Variants in UBTF observed in about 807,000 individuals in gnomAD.
The protein encoded by UBTF is upstream binding transcription factor.
A neutral mutation model predicts 112.3 loss-of-function variants in UBTF; 8 were observed. That is an observed-to-expected ratio of 0.07 (90% CI 0.04 to 0.13). UBTF has a LOEUF of 0.13. Ranked by LOEUF, UBTF falls within the 10% of genes least tolerant of loss-of-function variation. The probability of loss-of-function intolerance (pLI) is 1.00; values close to 1 mark genes in which losing one functional copy is unlikely to be tolerated. For missense variants in UBTF, 457 were observed against 982.1 expected (o/e 0.47, Z 7.15); for synonymous variants, 417 against 373.1 (o/e 1.12, Z -1.36).
intron 2 of UBTF, 92 bp downstream of exon 2, chr17:44,218,080 G>A: frequency 7.8e-7 from 1 of 1,280,462 alleles, no homozygotes; most frequent in Non-Finnish European, 1.1e-6. Context: ...AGTGTATGCA[G>A]ACTGAAAAAG....
In UBTF at chr17:44,205,972, A is replaced by C. The variant is rs972362476; in HGVS notation, c.*1270T>G. 1 of 152,110 alleles carries C rather than the reference A, an allele frequency of 6.6e-6. No homozygotes were observed. The highest frequency in any genetic ancestry group is 1.5e-5 in the Non-Finnish European group (1 of 68,018). 9.4% of individuals were successfully genotyped at this position (152,110 alleles called of 1,614,324 possible). ...GAGGAGGGAGCAGACCTGAGAAATT[A>C]AAGGAAATAGGGGGTGGTGGGAGGA... On this transcript the variant is annotated 3_prime_UTR_variant, in exon 21 of 21. Coordinates refer to ENST00000436088, the MANE Select transcript of UBTF (RefSeq NM_014233.4).
chr17:44,215,394 A>T, intron 5 of UBTF: 2 of 499,258 alleles, frequency 4.0e-6, no homozygotes, highest in Non-Finnish European at 7.2e-6. Context: ...CTTGAAACAG[A>T]ATGCTGTGGG....
At chr17:44,220,405 A>G (rs1299590450), upstream of UBTF, among the ~76,000 whole-genome samples, 1 of 151,650 alleles carries the variant, frequency 6.6e-6, no homozygotes, top group Non-Finnish European at 1.5e-5. Context: ...CATCCCCCGG[A>G]GCGTGGCCGC....
At chr17:44,214,834 C>T (rs1014192056) in intron 5 of UBTF, among the ~76,000 whole-genome samples, 1 of 152,184 alleles carries the variant, frequency 6.6e-6, no homozygotes, top group Non-Finnish European at 1.5e-5. Flanking sequence ...CCCCATCTAT[C>T]CCTGGCTCTG....
At position 44,210,842 on chromosome 17, in the gene UBTF, G is replaced by A; in HGVS notation, c.1309C>T (p.Leu437=). 3 of 1,569,484 alleles carry A rather than the reference G, an allele frequency of 1.9e-6. No homozygotes were observed. The highest frequency in any genetic ancestry group is 2.6e-6 in the Non-Finnish European group (3 of 1,156,938). ...EERPELSESE[L]TRLLARMWND... is the part of the protein sequence containing the mutation. ...CACATTCGGGCCAGCAGGCGGGTCA[G>A]CTCGCTCTCGGAGAGCTCAGGCCGC... Residue 437 remains leucine (L), a synonymous_variant, in exon 13 of 21, where the codon CTG becomes TTG. Transcript: ENST00000436088.
At position 44,211,232 on chromosome 17, in the gene UBTF, G is replaced by A. The variant is rs2056655934; in HGVS notation, c.1089+58C>T. The A allele has an allele frequency of 6.2e-7, 1 of 1,613,694 alleles. No individual in the cohort carries two copies. The highest frequency in any genetic ancestry group is 1.7e-5 in the Admixed American group (1 of 60,010). On this transcript the variant is annotated intron_variant, in intron 11 of 20. Coordinates refer to ENST00000436088, the MANE Select transcript of UBTF (RefSeq NM_014233.4). The surrounding 1 kb of genome is among the most constrained non-coding windows in gnomAD (Gnocchi z 4.9). ...GCCCTATCTCCAGGGGCTCACCAGG[G>A]CTCTGCCTGCCAAGTCCCAGTCTTC... is the stretch of plus-strand genomic sequence containing the variant.
chr17:44,211,492 CTG>C lies in UBTF; in HGVS notation c.1047+112_1047+113del, dbSNP rs2056673525. ...TTGCTAAGCCCAGCCCAGCCCCACA[CTG>C]TATTGGAGGCAGGTACCCAAGGCAC... is the stretch of plus-strand genomic sequence containing the variant. On this transcript the variant is annotated intron_variant, in intron 10 of 20. Transcript: ENST00000436088. The surrounding 1 kb of genome is among the most constrained non-coding windows in gnomAD (Gnocchi z 4.9). 3 of 1,555,590 alleles carry C rather than the reference CTG, an allele frequency of 1.9e-6. No individual in the cohort carries two copies. Among genetic ancestry groups the C allele is most frequent in the Non-Finnish European group, 1.7e-6 (2 of 1,144,714 alleles).
Position 44,210,457 on chromosome 17 carries a change from C to G in UBTF, c.1376G>C (p.Arg459Pro). 1 of 1,611,200 alleles carries G rather than the reference C, an allele frequency of 6.2e-7. No individual in the cohort carries two copies. Among genetic ancestry groups the G allele is most frequent in the Non-Finnish European group, 8.5e-7 (1 of 1,179,592 alleles). The part of the protein sequence containing the change: ...SEKKKAKYKA[R>P]EAALKAQSER... ...CGACTGAGCCTTGAGCGCCGCCTCT[C>G]GGGCCTTGTACTTGGCCTGCGGGGA... The change falls in exon 14 of 21, where the codon CGA becomes CCA. Residue 459 changes from arginine (R) to proline (P), a missense_variant. Physicochemically the swap from Arg to Pro is moderately radical, Grantham distance 103. Around this residue, in one of 7 missense-constraint regions of UBTF, gnomAD observed 108 missense variants for 137.4 expected, o/e 0.79. Coordinates refer to ENST00000436088, the MANE Select transcript of UBTF (RefSeq NM_014233.4).
intron 7 of UBTF, 103 bp downstream of exon 7, chr17:44,212,716 C>T: frequency 6.5e-7 from 1 of 1,548,912 alleles, no homozygotes; most frequent in Non-Finnish European, 8.7e-7. Context: ...TGGGGAGGGG[C>T]CTCCTCTCCT....
intron 15 of UBTF, 71 bp downstream of exon 15, chr17:44,210,053 C>T: frequency 1.3e-6 from 2 of 1,517,456 alleles, no homozygotes; most frequent in African/African-American, 1.4e-5. Flanking sequence ...GGACTTCTTG[C>T]TCAGAGCTGC....
At chr17:44,209,100 T>A in intron 17 of UBTF, 1 of 269,120 alleles carries the variant, frequency 3.7e-6, no homozygotes, top group South Asian at 7.1e-5. Flanking sequence ...ACCTGGGAGG[T>A]GGAGGTTGCA....
At chr17:44,216,750 C>T (rs753696001) in intron 2 of UBTF, 46 bp from the exon 3 acceptor site, 58 of 1,595,902 alleles carry the variant, frequency 3.6e-5, no homozygotes, top group Non-Finnish European at 4.7e-5. Flanking sequence ...CATGCTATCC[C>T]CCCGATCTGT....
intron 3 of UBTF, 46 bp downstream of exon 3, chr17:44,216,483 C>T: frequency 6.2e-7 from 1 of 1,604,216 alleles, no homozygotes; most frequent in Non-Finnish European, 8.5e-7. Flanking sequence ...CCCCACCACG[C>T]TGAGTGGGGG....
At chr17:44,209,163 T>G in intron 17 of UBTF, 189 bp downstream of exon 17, 1 of 555,956 alleles carries the variant, frequency 1.8e-6, no homozygotes, top group Non-Finnish European at 2.9e-6. Context: ...AGCAAGACTG[T>G]CTCAAAAAAT....
rs774672822 is a variant in UBTF, at chr17:44,209,679, T to C, written c.1681A>G (p.Met561Val). 2.5e-6 allele frequency: 4 copies of C among 1,614,158 alleles called. No individual in the cohort carries two copies. Among genetic ancestry groups the C allele is most frequent in the African/African-American group, 1.3e-5 (1 of 75,046 alleles). The change falls in exon 16 of 21, where the codon ATG becomes GTG. Residue 561 changes from methionine (M) to valine (V), a missense_variant. Coordinates refer to ENST00000436088, the MANE Select transcript of UBTF (RefSeq NM_014233.4). ...TTCTTGGGTTCTCCCTGGAATTTCA[T>C]CTTCTTGGAAGAATTTGTAGCAGCT... ...PPAATNSSKK[M>V]KFQGEPKKPP... is the part of the protein sequence containing the mutation.
Position 44,210,334 on chromosome 17 carries a change from T to C in UBTF, c.1499A>G (p.Tyr500Cys). The C allele has an allele frequency of 6.2e-7, 1 of 1,614,156 alleles. No individual in the cohort carries two copies. Among genetic ancestry groups the C allele is most frequent in the Non-Finnish European group, 8.5e-7 (1 of 1,180,016 alleles). Residue 500 changes from tyrosine (Y) to cysteine (C), a missense_variant, in exon 14 of 21, where the codon TAC (tyrosine) becomes TGC (cysteine). By Grantham distance (194) the Tyr-to-Cys change is radical (BLOSUM62 -2). Coordinates refer to ENST00000436088, the MANE Select transcript of UBTF (RefSeq NM_014233.4). ...EIWQQSVIGD[Y>C]LARFKNDRVK... Reference sequence around the variant, plus strand: ...CCCTGTCACCTTGAAGCGGGCCAGGTAGTCGCCGATAACGCTCTGTTGCCA... The same window carrying C: ...CCCTGTCACCTTGAAGCGGGCCAGGCAGTCGCCGATAACGCTCTGTTGCCA...
rs760152795 is a variant in UBTF, at chr17:44,207,235, C to G, written c.*7G>C. 6 of 1,613,310 alleles carry G rather than the reference C, an allele frequency of 3.7e-6. No individual in the cohort carries two copies. In the East Asian group the frequency reaches 1.3e-4, roughly 36 times the overall value. ...TCTCCCTGGCTGCCCTGGGGTGGGGCTGAGCCTCAGTTGGAGTCAGAGTCT... is the reference window on the plus strand; with the variant it reads ...TCTCCCTGGCTGCCCTGGGGTGGGGGTGAGCCTCAGTTGGAGTCAGAGTCT... On this transcript the variant is annotated 3_prime_UTR_variant, in exon 21 of 21. Coordinates refer to ENST00000436088, the MANE Select transcript of UBTF (RefSeq NM_014233.4).
chr17:44,213,293 G>A lies in UBTF; in HGVS notation c.475-11C>T. 2 of 1,612,728 alleles carry A rather than the reference G, an allele frequency of 1.2e-6. No individual in the cohort carries two copies. Among genetic ancestry groups the A allele is most frequent in the Non-Finnish European group, 1.7e-6 (2 of 1,179,370 alleles). On this transcript the variant is annotated splice_polypyrimidine_tract_variant and intron_variant, in intron 5 of 20. Transcript: ENST00000436088. Reference sequence around the variant, plus strand: ...CTGAATATATTTCATCTGGGGGGAGGAGGGGATGGGGTCACTCAGGACCCA... The same window carrying A: ...CTGAATATATTTCATCTGGGGGGAGAAGGGGATGGGGTCACTCAGGACCCA...
chr17:44,209,292 G>C lies in UBTF; in HGVS notation c.1905+60C>G. 3 of 1,514,272 alleles carry C rather than the reference G, an allele frequency of 2.0e-6. No homozygotes were observed. In the South Asian group the frequency reaches 3.9e-5, roughly 20 times the overall value. The allele number at this position is 1,514,272 out of a possible 1,614,324, so 93.8% of individuals were successfully genotyped here. A position where few individuals can be genotyped will look rare whatever the true frequency, so the allele number is the denominator to read the frequency against. ...CAAGTGGGTGGATGGGCCAGGCTAG[G>C]ATGGTGCTGGCTTAGTCTGATGCCT... On this transcript the variant is annotated intron_variant, in intron 17 of 20. Transcript: ENST00000436088.
Sources: gnomAD v4.1 joint callset for allele counts (sites outside exome capture counted in the v4.1 genomes callset) on GRCh38, gnomAD v4.1.1 for gene constraint, gnomAD v4.1.1 regional missense constraint, Gnocchi (gnomAD v3.1) non-coding constraint, MANE v1.5 for transcripts, NCBI Gene and HGNC (gene_info 2026-07-23, HGNC 2026-07-21) for gene names.